KCNV2: variants seen among roughly 807,000 people sequenced by gnomAD.
KCNV2 encodes the protein potassium voltage-gated channel modifier subfamily V member 2, also known as potassium voltage-gated channel subfamily V member 2.
In KCNV2, 65 loss-of-function variants were observed where a neutral mutation model predicts 37.0. That is an observed-to-expected ratio of 1.76 (90% CI 1.44 to 2.16). The LOEUF is 2.16. KCNV2 is among the 30% of genes most tolerant of loss of function. The pLI is 0.00. For synonymous variants in KCNV2, 518 were observed against 328.6 expected (o/e 1.58, Z -6.23); for missense variants, 1,232 against 766.7 (o/e 1.61, Z -7.17).
chr9:2,717,786 G>T lies in KCNV2; in HGVS notation c.47G>T (p.Trp16Leu), dbSNP rs1339778237. ...AGACGGTCCTGGAGCTACAGGCCCT[G>T]GAACACGACGGAGAATGAGGGCAGC... ...ERRRSWSYRP[W>L]NTTENEGSQH... Residue 16 changes from tryptophan to leucine, a missense_variant, in exon 1 of 2, where the codon TGG becomes TTG. By Grantham distance (61) the Trp-to-Leu change is moderately conservative. Coordinates refer to ENST00000382082, the MANE Select transcript of KCNV2 (RefSeq NM_133497.4). 4.3e-6 allele frequency: 7 copies of T among 1,614,222 alleles called. No homozygotes were observed. In the South Asian group the frequency reaches 5.5e-5, roughly 13 times the overall value.
rs760387745 is a variant in KCNV2 at position 2,718,457 on chromosome 9, G to A, written c.718G>A (p.Gly240Ser). 8.1e-6 allele frequency: 13 copies of A among 1,607,782 alleles called. No individual in the cohort carries two copies. In the South Asian group the frequency reaches 8.8e-5, roughly 11 times the overall value. ...EELFRDMRFY[G>S]PQRRRLWNLM... is the part of the protein sequence containing the mutation. ...ACTCTTCCGCGACATGCGCTTCTACGGCCCGCAGCGGCGCCGCCTCTGGAA... is the reference window on the plus strand; with the variant it reads ...ACTCTTCCGCGACATGCGCTTCTACAGCCCGCAGCGGCGCCGCCTCTGGAA... Residue 240 changes from glycine (G) to serine (S), a missense_variant, in exon 1 of 2, where the codon GGC becomes AGC. By Grantham distance (56) the Gly-to-Ser change is moderately conservative. Transcript: ENST00000382082.
chr9:2,728,909 A>AAGAGAGAG (rs370059688), intron 1 of KCNV2, among the ~76,000 whole-genome samples: 1,779 of 151,352 alleles, frequency 0.012, 30 homozygotes, highest in African/African-American at 0.041. Flanking sequence ...AAAAAAGAAA[A>AAGAGAGAG]AGAGAGAGAG....
intron 1 of KCNV2, among the ~76,000 whole-genome samples, chr9:2,725,947 C>T (rs1169812301): frequency 6.6e-6 from 1 of 152,184 alleles, no homozygotes; most frequent in African/African-American, 2.4e-5. Flanking sequence ...CACATTCTGG[C>T]TTTGGGACCC....
At chr9:2,722,408 T>TAG (rs1201809580) in intron 1 of KCNV2, among the ~76,000 whole-genome samples, 2 of 139,760 alleles carry the variant, frequency 1.4e-5, no homozygotes, top group Non-Finnish European at 3.0e-5. Flanking sequence ...TATTTATAAA[T>TAG]AAGTTATTTA....
In KCNV2 at chr9:2,718,464, A is replaced by C; in HGVS notation, c.725A>C (p.Gln242Pro). 1 of 1,608,478 alleles carries C rather than the reference A, an allele frequency of 6.2e-7. No individual in the cohort carries two copies. The highest frequency in any genetic ancestry group is 1.3e-5 in the African/African-American group (1 of 74,982). Residue 242 changes from glutamine to proline, a missense_variant, in exon 1 of 2, where the codon CAG becomes CCG. By Grantham distance (76) the Gln-to-Pro change is moderately conservative. Transcript: ENST00000382082. Reference sequence around the variant, plus strand: ...CGCGACATGCGCTTCTACGGCCCGCAGCGGCGCCGCCTCTGGAACCTCATG... The same window carrying C: ...CGCGACATGCGCTTCTACGGCCCGCCGCGGCGCCGCCTCTGGAACCTCATG... ...LFRDMRFYGP[Q>P]RRRLWNLMEK...
chr9:2,727,798 C>T (rs971847099), intron 1 of KCNV2, among the ~76,000 whole-genome samples: 2 of 152,136 alleles, frequency 1.3e-5, no homozygotes, highest in Non-Finnish European at 2.9e-5. Context: ...GAGGTAGATA[C>T]CACACATTTC....
At chr9:2,729,390 C>T in intron 1 of KCNV2, 56 bp from the exon 2 acceptor site, 1 of 1,600,876 alleles carries the variant, frequency 6.2e-7, no homozygotes, top group Non-Finnish European at 8.5e-7. Context: ...CTCTCCCTTT[C>T]TTCTCCTCCC....
At chr9:2,720,069 T>C (rs566238890) in intron 1 of KCNV2, among the ~76,000 whole-genome samples, 2 of 152,396 alleles carry the variant, frequency 1.3e-5, no homozygotes, top group Admixed American at 6.5e-5. Context: ...AGTTTTCTTT[T>C]GAAAAGTAGA....
In KCNV2 at chr9:2,718,796, G is replaced by C. The variant is rs369069912; in HGVS notation, c.1057G>C (p.Glu353Gln). 1 of 1,610,706 alleles carries C rather than the reference G, an allele frequency of 6.2e-7. No homozygotes were observed. Among genetic ancestry groups the C allele is most frequent in the Non-Finnish European group, 8.5e-7 (1 of 1,179,896 alleles). ...ILPLYLQLLL[E>Q]CFTGEGHQRG... ...GCCGCTCTACCTTCAGCTGCTGCTC[G>C]AGTGCTTCACGGGCGAGGGCCACCA... The change falls in exon 1 of 2, where the codon GAG becomes CAG. Residue 353 changes from glutamate to glutamine, a missense_variant. By Grantham distance (29) the Glu-to-Gln change is conservative. Coordinates refer to ENST00000382082, the MANE Select transcript of KCNV2 (RefSeq NM_133497.4).
rs962085824 is a variant in KCNV2 at position 2,718,448 on chromosome 9, C to T, written c.709C>T (p.Arg237Cys). Residue 237 changes from arginine to cysteine, a missense_variant, in exon 1 of 2, where the codon CGC (arginine) becomes TGC (cysteine). Physicochemically the swap from Arg to Cys is radical, Grantham distance 180. Transcript: ENST00000382082. ...EEAEELFRDM[R>C]FYGPQRRRLW... ...GGCGGAGGAACTCTTCCGCGACATG[C>T]GCTTCTACGGCCCGCAGCGGCGCCG... 9 of 1,606,636 alleles carry T rather than the reference C, an allele frequency of 5.6e-6. No individual in the cohort carries two copies. The highest frequency in any genetic ancestry group is 4.5e-5 in the East Asian group (2 of 44,538).
At chr9:2,721,807 T>C (rs899240997) in intron 1 of KCNV2, among the ~76,000 whole-genome samples, 2 of 152,208 alleles carry the variant, frequency 1.3e-5, no homozygotes, top group Admixed American at 6.5e-5. Flanking sequence ...TTTAGTGGGA[T>C]AGTCAGAGAA....
chr9:2,717,876 G>A lies in KCNV2; in HGVS notation c.137G>A (p.Trp46Ter). The A allele has an allele frequency of 2.5e-6, 4 of 1,614,208 alleles. No homozygotes were observed. The highest frequency in any genetic ancestry group is 1.3e-5 in the African/African-American group (1 of 75,066). Residue 46 changes from tryptophan to a stop codon, truncating the protein, a stop_gained, in exon 1 of 2, where the codon TGG becomes TAG. Coordinates refer to ENST00000382082, the MANE Select transcript of KCNV2 (RefSeq NM_133497.4). LOFTEE classifies it high-confidence loss of function. Reference protein sequence around the residue: ...RSGSQASIHGWTEGNYNYYIE... With the variant: ...RSGSQASIHG The stretch of plus-strand genomic sequence containing the variant: ...GGCTCCCAGGCCAGCATCCACGGCT[G>A]GACAGAGGGCAACTATAACTACTAC...
Position 2,718,863 on chromosome 9 carries a change from T to C in KCNV2, c.1124T>C (p.Val375Ala), listed in dbSNP as rs1819805215. ...TVGSVGKVGQ[V>A]LRVMRLMRIF... Reference sequence around the variant, plus strand: ...GGCAGCGTGGGTAAGGTGGGTCAGGTGTTGCGCGTCATGCGCCTCATGCGC... The same window carrying C: ...GGCAGCGTGGGTAAGGTGGGTCAGGCGTTGCGCGTCATGCGCCTCATGCGC... The change falls in exon 1 of 2, where the codon GTG (valine) becomes GCG (alanine). Residue 375 changes from valine (V) to alanine (A), a missense_variant. Coordinates refer to ENST00000382082, the MANE Select transcript of KCNV2 (RefSeq NM_133497.4). 2 of 1,609,088 alleles carry C rather than the reference T, an allele frequency of 1.2e-6. No individual in the cohort carries two copies. The highest frequency in any genetic ancestry group is 1.3e-5 in the African/African-American group (1 of 74,940).
chr9:2,726,430 A>G (rs1483487406), intron 1 of KCNV2, among the ~76,000 whole-genome samples: 2 of 152,124 alleles, frequency 1.3e-5, no homozygotes, highest in Non-Finnish European at 2.9e-5. Flanking sequence ...TACACATCAG[A>G]TATTTATTCT....
At chr9:2,721,751 G>T (rs956867309) in intron 1 of KCNV2, among the ~76,000 whole-genome samples, 2 of 152,148 alleles carry the variant, frequency 1.3e-5, no homozygotes, top group East Asian at 3.8e-4. Context: ...GGCATAGCTT[G>T]TGTGGGATAA....
Position 2,723,962 on chromosome 9 carries a change from A to C in KCNV2, c.1356+4867A>C, listed in dbSNP as rs948691674. On this transcript the variant is annotated intron_variant, in intron 1 of 1. Coordinates refer to ENST00000382082, the MANE Select transcript of KCNV2 (RefSeq NM_133497.4). ...TGTGTGGGTATGGTTTTTTTCTTTT[A>C]CTTTTTTTTTTTTTTTAGCCTCAAC... 7.1e-5 allele frequency among the ~76,000 whole-genome samples: 9 copies of C among 127,656 alleles called. No individual in the cohort carries two copies. In the East Asian group the frequency reaches 1.8e-3, roughly 25 times the overall value. 83.7% of individuals were successfully genotyped at this position (127,656 alleles called of 152,430 possible). A position where few individuals can be genotyped will look rare whatever the true frequency, so the allele number is the denominator to read the frequency against.
At chr9:2,725,300 C>T (rs1272712111) in intron 1 of KCNV2, among the ~76,000 whole-genome samples, 1 of 152,152 alleles carries the variant, frequency 6.6e-6, no homozygotes, top group Non-Finnish European at 1.5e-5. Flanking sequence ...AGGTAGTCAC[C>T]CATGACCTCA....
intron 1 of KCNV2, among the ~76,000 whole-genome samples, chr9:2,722,181 A>T (rs1459086840): frequency 7.2e-6 from 1 of 138,700 alleles, no homozygotes; most frequent in Non-Finnish European, 1.5e-5. Flanking sequence ...AGTTATTTAT[A>T]AATAAAATAG....
chr9:2,723,554 T>TCAAATCC (rs1819917093), intron 1 of KCNV2, among the ~76,000 whole-genome samples: 1 of 151,088 alleles, frequency 6.6e-6, no homozygotes, highest in Non-Finnish European at 1.5e-5. Context: ...CAAATGGAGG[T>TCAAATCC]TATTTGTGAG....
Sources: allele counts gnomAD v4.1 joint callset (sites outside exome capture counted in the v4.1 genomes callset), GRCh38; gene constraint gnomAD v4.1.1; transcripts MANE v1.5; gene names NCBI Gene and HGNC (gene_info 2026-07-23, HGNC 2026-07-21).